PATL1: variants seen among roughly 807,000 people sequenced by gnomAD.
PATL1 encodes protein PAT1 homolog 1.
PATL1 carries 32 observed loss-of-function variants against 100.6 expected under a neutral mutation model. That is an observed-to-expected ratio of 0.32 (90% CI 0.24 to 0.43). PATL1 has a LOEUF of 0.43. Among genes scored for constraint, PATL1 ranks in the 20% least tolerant of loss-of-function variants. The pLI is 1.00. For missense variants in PATL1, 747 were observed against 949.9 expected, an observed-to-expected ratio of 0.79 and a Z score of 2.81; for synonymous variants, 332 against 330.0, an observed-to-expected ratio of 1.01 and a Z score of -0.07.
In PATL1 at chr11:59,668,909, G is replaced by C; in HGVS notation, c.-14C>G. On this transcript the variant is annotated 5_prime_UTR_variant, in exon 1 of 19. Coordinates refer to ENST00000300146, the MANE Select transcript of PATL1 (RefSeq NM_152716.3). ...GTAGCGGAACATTCTTGGGGAGGGG[G>C]GCAGGGAGCGGGGAGGGGAGAGGGG... 1.3e-6 allele frequency: 1 copy of C among 747,024 alleles called. No homozygotes were observed. Among genetic ancestry groups the C allele is most frequent in the Non-Finnish European group, 2.0e-6 (1 of 506,496 alleles). The allele number at this position is 747,024 out of a possible 1,614,324, so 46.3% of individuals were successfully genotyped here.
intron 12 of PATL1, among the ~76,000 whole-genome samples, 161 bp from the exon 13 acceptor site, chr11:59,650,974 T>C (rs1158883961): frequency 2.0e-5 from 3 of 152,242 alleles, no homozygotes; most frequent in Non-Finnish European, 4.4e-5. Context: ...AAGGTCAAAG[T>C]TGACTGAATC....
intron 15 of PATL1, among the ~76,000 whole-genome samples, chr11:59,643,871 A>T (rs1565130665): frequency 6.6e-6 from 1 of 152,188 alleles, no homozygotes; most frequent in Non-Finnish European, 1.5e-5. Context: ...AGGCTGTTGA[A>T]TTCCAGCCTT....
At position 59,642,899 on chromosome 11, in the gene PATL1, G is replaced by A; in HGVS notation, c.2030C>T (p.Thr677Ile). 6.2e-7 allele frequency: 1 copy of A among 1,613,762 alleles called. No homozygotes were observed. The highest frequency in any genetic ancestry group is 8.5e-7 in the Non-Finnish European group (1 of 1,179,774). ...ATPALSNPHL[T>I]AVLQNKFGLS... ...GATCACCTTGTTCTGGAGCACAGCA[G>A]TGAGGTGAGGATTGGAGAGTGCTGG... Residue 677 changes from threonine (T) to isoleucine (I), a missense_variant, in exon 16 of 19, where the codon ACT becomes ATT. This residue lies in a region of PATL1 where 434 missense variants were observed against 596.1 expected (regional missense o/e 0.73). Transcript: ENST00000300146.
intron 15 of PATL1, among the ~76,000 whole-genome samples, chr11:59,643,394 G>A (rs1490246850): frequency 1.3e-5 from 2 of 151,920 alleles, no homozygotes; most frequent in Non-Finnish European, 2.9e-5. Context: ...GAACCTCAGG[G>A]ATCTAAAGTA....
intron 8 of PATL1, 48 bp from the exon 9 acceptor site, chr11:59,654,120 T>TAAA: frequency 6.8e-7 from 1 of 1,479,062 alleles, no homozygotes; most frequent in African/African-American, 1.4e-5. Context: ...CCTGATGACT[T>TAAA]GAAATTTTAA....
intron 15 of PATL1, among the ~76,000 whole-genome samples, chr11:59,646,465 C>T (rs1229107942): frequency 2.0e-5 from 3 of 152,132 alleles, no homozygotes; most frequent in Non-Finnish European, 4.4e-5. Context: ...GGATTATAGG[C>T]GTAAGCCACT....
chr11:59,668,588 T>C (rs1157810694), intron 1 of PATL1, among the ~76,000 whole-genome samples: 1 of 139,714 alleles, frequency 7.2e-6, no homozygotes, highest in Non-Finnish European at 1.5e-5. Flanking sequence ...GTGGCTCCTC[T>C]AGGGGTGGGG....
chr11:59,651,496 T>C, intron 12 of PATL1, 48 bp downstream of exon 12: 1 of 1,416,236 alleles, frequency 7.1e-7, no homozygotes, highest in Non-Finnish European at 9.9e-7. Flanking sequence ...CCAAAAGAAG[T>C]GGTCACAAAT....
intron 15 of PATL1, among the ~76,000 whole-genome samples, chr11:59,645,024 C>CTT (rs59644562): frequency 7.7e-6 from 1 of 130,226 alleles, no homozygotes; most frequent in Non-Finnish European, 1.6e-5. Flanking sequence ...TCCCCATCCA[C>CTT]TTTTTTTTTT....
chr11:59,640,970 C>T (rs549207367), intron 16 of PATL1, among the ~76,000 whole-genome samples: 4 of 152,006 alleles, frequency 2.6e-5, no homozygotes, highest in East Asian at 3.9e-4. Flanking sequence ...TCAGGAGCCC[C>T]GGACCAGCCT....
chr11:59,668,408 G>A (rs1861722587), intron 1 of PATL1, among the ~76,000 whole-genome samples: 1 of 152,146 alleles, frequency 6.6e-6, no homozygotes, highest in South Asian at 2.1e-4. Flanking sequence ...GCAAGCCCAG[G>A]CCCCCTTCAC....
intron 15 of PATL1, among the ~76,000 whole-genome samples, chr11:59,646,165 G>A (rs2134741340): frequency 6.6e-6 from 1 of 152,072 alleles, no homozygotes; most frequent in Admixed American, 6.5e-5. Context: ...CCATTACACT[G>A]CTTACAAATT....
At chr11:59,650,848 T>G in intron 12 of PATL1, 35 bp from the exon 13 acceptor site, 1 of 1,415,736 alleles carries the variant, frequency 7.1e-7, no homozygotes, top group South Asian at 1.3e-5. Flanking sequence ...GCAAATTCTT[T>G]ATCTCTGTTA....
At chr11:59,645,185 T>C (rs1448936774) in intron 15 of PATL1, among the ~76,000 whole-genome samples, 1 of 124,950 alleles carries the variant, frequency 8.0e-6, no homozygotes, top group East Asian at 2.3e-4. Context: ...TACCTCTTTC[T>C]ACACAGACAC....
rs556126448 is a variant in PATL1, at chr11:59,640,546, T to C, written c.2050-1163A>G. On this transcript the variant is annotated intron_variant, in intron 16 of 18. Transcript: ENST00000300146. Reference sequence around the variant, plus strand: ...CATCCTGGCTAACACGGTGAAACCCTGCCTCTACTAAAAAATACAAAAAAT... The same window carrying C: ...CATCCTGGCTAACACGGTGAAACCCCGCCTCTACTAAAAAATACAAAAAAT... 2.0e-5 allele frequency among the ~76,000 whole-genome samples: 3 copies of C among 149,308 alleles called. No homozygotes were observed. In the East Asian group the frequency reaches 6.1e-4, roughly 30 times the overall value.
chr11:59,658,321 GTT>G (rs775993556), intron 4 of PATL1, among the ~76,000 whole-genome samples: 1 of 144,908 alleles, frequency 6.9e-6, no homozygotes. Context: ...ATAGAAATGA[GTT>G]TTTTTTTTTT....
At chr11:59,653,494 T>C (rs1367166855) in intron 9 of PATL1, among the ~76,000 whole-genome samples, 1 of 152,202 alleles carries the variant, frequency 6.6e-6, no homozygotes, top group Non-Finnish European at 1.5e-5. Context: ...CAGCAAATAC[T>C]ATCATAAATA....
In PATL1 at chr11:59,656,055, A is replaced by T; in HGVS notation, c.724-10T>A. 6.7e-6 allele frequency: 4 copies of T among 597,526 alleles called. No homozygotes were observed. Among genetic ancestry groups the T allele is most frequent in the Non-Finnish European group, 6.7e-6 (3 of 445,050 alleles). 37.0% of individuals were successfully genotyped at this position (597,526 alleles called of 1,614,324 possible). On this transcript the variant is annotated splice_polypyrimidine_tract_variant and intron_variant, in intron 6 of 18. Coordinates refer to ENST00000300146, the MANE Select transcript of PATL1 (RefSeq NM_152716.3). ...CCAGGAGGGAAGAGTTCTAAGGTAA[A>T]AAAAAAAAAAAAAAAAAGAATATGC...
At chr11:59,643,840 C>A (rs1003987790) in intron 15 of PATL1, among the ~76,000 whole-genome samples, 8 of 152,072 alleles carry the variant, frequency 5.3e-5, no homozygotes, top group African/African-American at 1.9e-4. Flanking sequence ...GTTACATAGC[C>A]ACAGCTAGAG....
Sources: gnomAD v4.1 joint callset for allele counts (sites outside exome capture counted in the v4.1 genomes callset) on GRCh38, gnomAD v4.1.1 for gene constraint, gnomAD v4.1.1 regional missense constraint, MANE v1.5 for transcripts, NCBI Gene and HGNC (gene_info 2026-07-23, HGNC 2026-07-21) for gene names.